The following ZNF786 variants were observed in gnomAD, a reference collection of about 807,000 sequenced individuals.
ZNF786 encodes the protein zinc finger protein 786.
ZNF786 carries 56 observed loss-of-function variants against 63.1 expected under a neutral mutation model. The observed-to-expected ratio is 0.89, with a 90% CI of 0.72 to 1.11. The LOEUF (loss-of-function observed/expected upper bound fraction) is 1.11. Among genes scored for constraint, ZNF786 ranks in the 50% least tolerant of loss-of-function variants. ZNF786 has a pLI of 0.00. For synonymous variants in ZNF786, 485 were observed against 406.9 expected (o/e 1.19, Z -2.31); for missense variants, 1,213 against 1,041.8 (o/e 1.16, Z -2.26).
intron 1 of ZNF786, among the ~76,000 whole-genome samples, chr7:149,089,523 G>C (rs1006132966): frequency 7.2e-4 from 109 of 151,830 alleles, no homozygotes; most frequent in Non-Finnish European, 4.4e-5. Context: ...CGCCATGTTG[G>C]CCAGGCTGGT....
chr7:149,082,572 T>C, intron 1 of ZNF786: 1 of 850,266 alleles, frequency 1.2e-6, no homozygotes, highest in Non-Finnish European at 1.4e-6. Context: ...AAGTTTATCT[T>C]GTTCCAACTT....
At chr7:149,086,833 C>A (rs1483737035) in intron 1 of ZNF786, among the ~76,000 whole-genome samples, 1 of 138,286 alleles carries the variant, frequency 7.2e-6, no homozygotes, top group East Asian at 2.4e-4. Flanking sequence ...CCACTTCCAA[C>A]AGCGCAGATC....
chr7:149,070,934 C>G lies in ZNF786; in HGVS notation c.1838G>C (p.Arg613Pro). The G allele has an allele frequency of 6.2e-7, 1 of 1,613,614 alleles. No individual in the cohort carries two copies. Among genetic ancestry groups the G allele is most frequent in the African/African-American group, 1.3e-5 (1 of 75,018 alleles). ...GAAGGGCCTCTCTCCCGTGTGCAGG[C>G]GCTGATGGCTGAGCAGCTGCCCCTT... ...RLKGQLLSHQ[R>P]LHTGERPFQC... The change falls in exon 4 of 4, where the codon CGC becomes CCC. Residue 613 changes from arginine (R) to proline (P), a missense_variant. Coordinates refer to ENST00000491431, the MANE Select transcript of ZNF786 (RefSeq NM_152411.4).
intron 2 of ZNF786, among the ~76,000 whole-genome samples, chr7:149,079,970 A>G (rs1825623940): frequency 6.6e-6 from 1 of 151,136 alleles, no homozygotes; most frequent in African/African-American, 2.4e-5. Flanking sequence ...TCAGGAGATT[A>G]AGACCATCCT....
At chr7:149,076,979 G>A (rs183561448) in intron 2 of ZNF786, among the ~76,000 whole-genome samples, 1 of 152,072 alleles carries the variant, frequency 6.6e-6, no homozygotes, top group South Asian at 2.1e-4. Flanking sequence ...CAACTTTACT[G>A]TATGTTACCA....
intron 2 of ZNF786, 22 bp downstream of exon 2, chr7:149,080,569 C>T (rs979092575): frequency 1.3e-6 from 2 of 1,562,980 alleles, no homozygotes; most frequent in Non-Finnish European, 1.7e-6. Flanking sequence ...ATGACCTACC[C>T]ACAAAGGTGA....
chr7:149,070,588 G>C lies in ZNF786; in HGVS notation c.2184C>G (p.Pro728=), dbSNP rs201910183. Residue 728 remains proline (P), a synonymous_variant, in exon 4 of 4, where the codon CCC becomes CCG. Transcript: ENST00000491431. ...HMLRHQRIHR[P]ERPFACGDCG... Reference sequence around the variant, plus strand: ...AATCGCCACAGGCAAAGGGCCTCTCGGGCCTGTGGATGCGCTGGTGCCTCA... The same window carrying C: ...AATCGCCACAGGCAAAGGGCCTCTCCGGCCTGTGGATGCGCTGGTGCCTCA... 1.3e-5 allele frequency: 21 copies of C among 1,613,724 alleles called. No homozygotes were observed. The highest frequency in any genetic ancestry group is 1.8e-5 in the Non-Finnish European group (21 of 1,179,874).
At chr7:149,074,330 G>A (rs1006509626) in intron 3 of ZNF786, 56 bp downstream of exon 3, 6 of 1,591,660 alleles carry the variant, frequency 3.8e-6, no homozygotes, top group African/African-American at 1.3e-5. Context: ...TCAGAGAAGA[G>A]AAACAAATCT....
At chr7:149,084,520 C>A (rs1002496778) in intron 1 of ZNF786, among the ~76,000 whole-genome samples, 1 of 152,038 alleles carries the variant, frequency 6.6e-6, no homozygotes, top group Non-Finnish European at 1.5e-5. Context: ...CTGACTGATA[C>A]GGTTTTGATT....
At chr7:149,074,647 C>T in intron 2 of ZNF786, 109 bp from the exon 3 acceptor site, 1 of 818,216 alleles carries the variant, frequency 1.2e-6, no homozygotes, top group Non-Finnish European at 1.6e-6. Context: ...AACAACATGT[C>T]AAAAAAAAAA....
chr7:149,070,642 G>C lies in ZNF786; in HGVS notation c.2130C>G (p.Asp710Glu), dbSNP rs549283777. Reference sequence around the variant, plus strand: ...TGTGTCCCCTTTCCCGGAAGTTCTTGTCACACTCAGGGCAGTGAAAAGGCC... The same window carrying C: ...TGTGTCCCCTTTCCCGGAAGTTCTTCTCACACTCAGGGCAGTGAAAAGGCC... ...GERPFHCPEC[D>E]KNFRERGHML... is the part of the protein sequence containing the mutation. The change falls in exon 4 of 4, where the codon GAC becomes GAG. Residue 710 changes from aspartate to glutamate, a missense_variant. By Grantham distance (45) the Asp-to-Glu change is conservative. Transcript: ENST00000491431. 1.2e-6 allele frequency: 2 copies of C among 1,613,948 alleles called. No homozygotes were observed. The highest frequency in any genetic ancestry group is 1.3e-5 in the African/African-American group (1 of 75,064).
In ZNF786 at chr7:149,071,501, G is replaced by A; in HGVS notation, c.1271C>T (p.Pro424Leu). 2 of 1,613,302 alleles carry A rather than the reference G, an allele frequency of 1.2e-6. No individual in the cohort carries two copies. The highest frequency in any genetic ancestry group is 8.5e-7 in the Non-Finnish European group (1 of 1,179,870). Residue 424 changes from proline (P) to leucine (L), a missense_variant, in exon 4 of 4, where the codon CCG becomes CTG. Transcript: ENST00000491431. ...VHQHAHGGER[P>L]FSCRKCGKGF... ...CTTGCCACACTTCCTGCAGGAGAAC[G>A]GTCTCTCCCCACCGTGCGCGTGCTG... is the stretch of plus-strand genomic sequence containing the variant.
chr7:149,070,211 G>C lies in ZNF786; in HGVS notation c.*212C>G. 7.3e-6 allele frequency: 4 copies of C among 551,608 alleles called. No homozygotes were observed. Among genetic ancestry groups the C allele is most frequent in the Non-Finnish European group, 8.8e-6 (3 of 341,244 alleles). The allele number at this position is 551,608 out of a possible 1,614,324, so 34.2% of individuals were successfully genotyped here. ...GGGTGACAGAGCAAAACTCCATCTT[G>C]GAAAAAAAAAAAAAAAAGAAAGAAA... is the stretch of plus-strand genomic sequence containing the variant. On this transcript the variant is annotated 3_prime_UTR_variant, in exon 4 of 4. Transcript: ENST00000491431.
rs1825448137 is a variant in ZNF786 at position 149,072,461 on chromosome 7, G to C, written c.311C>G (p.Ala104Gly). The change falls in exon 4 of 4, where the codon GCT becomes GGT. Residue 104 changes from alanine to glycine, a missense_variant. Physicochemically the swap from Ala to Gly is moderately conservative, Grantham distance 60. Transcript: ENST00000491431. Reference protein sequence around the residue: ...EEQLFWGSQQAMNSGKTKSHF... With the variant: ...EEQLFWGSQQGMNSGKTKSHF... Reference sequence around the variant, plus strand: ...GCTTTTAGTTTTTCCTGAATTCATAGCCTGCTGGCTTCCTGCAATTGAAAA... The same window carrying C: ...GCTTTTAGTTTTTCCTGAATTCATACCCTGCTGGCTTCCTGCAATTGAAAA... The C allele has an allele frequency of 6.3e-7, 1 of 1,589,238 alleles. No homozygotes were observed.
At chr7:149,075,655 G>GGTT (rs1825532018) in intron 2 of ZNF786, among the ~76,000 whole-genome samples, 1 of 69,454 alleles carries the variant, frequency 1.4e-5, no homozygotes, top group Non-Finnish European at 2.4e-5. Context: ...CACACTTCAG[G>GGTT]TTTTTTTTTT....
chr7:149,079,341 G>A (rs1417264501), intron 2 of ZNF786, among the ~76,000 whole-genome samples: 1 of 151,724 alleles, frequency 6.6e-6, no homozygotes, highest in East Asian at 2.0e-4. Context: ...CCCGTAAGGC[G>A]GAGCTTGCAG....
intron 2 of ZNF786, 109 bp from the exon 3 acceptor site, chr7:149,074,647 CAA>C (rs139620006): frequency 1.2e-3 from 1,009 of 810,140 alleles, no homozygotes; most frequent in South Asian, 2.2e-3. Context: ...AACAACATGT[CAA>C]AAAAAAAAAA....
At chr7:149,080,841 T>C (rs1039024360) in intron 1 of ZNF786, 124 bp from the exon 2 acceptor site, 10 of 1,165,904 alleles carry the variant, frequency 8.6e-6, no homozygotes, top group Admixed American at 5.1e-5. Context: ...AGCAGCTTCT[T>C]CCTGGAGAAC....
chr7:149,075,200 C>T (rs1216349515), intron 2 of ZNF786, among the ~76,000 whole-genome samples: 2 of 152,100 alleles, frequency 1.3e-5, no homozygotes, highest in Non-Finnish European at 2.9e-5. Flanking sequence ...TTGGTTATGG[C>T]AAAAATGCGG....
Sources: gnomAD v4.1 joint callset for allele counts (sites outside exome capture counted in the v4.1 genomes callset) on GRCh38, gnomAD v4.1.1 for gene constraint, MANE v1.5 for transcripts, NCBI Gene and HGNC (gene_info 2026-07-23, HGNC 2026-07-21) for gene names.